TMEM45B: variants seen among roughly 807,000 people sequenced by gnomAD.
TMEM45B encodes transmembrane protein 45B.
A neutral mutation model predicts 27.3 loss-of-function variants in TMEM45B; 29 were observed. That is an observed-to-expected ratio of 1.06 (90% CI 0.79 to 1.45). The LOEUF (loss-of-function observed/expected upper bound fraction) is 1.45. Among genes scored for constraint, TMEM45B ranks in the 40% most tolerant of loss-of-function variants. The pLI is 0.00. For synonymous variants in TMEM45B, 143 were observed against 134.7 expected (o/e 1.06, Z -0.43); for missense variants, 348 against 343.9 (o/e 1.01, Z -0.09).
chr11:129,826,970 C>G (rs1169376567), intron 1 of TMEM45B: 1 of 152,222 alleles, frequency 6.6e-6, no homozygotes, highest in Non-Finnish European at 1.5e-5. Context: ...GTTGGGATTA[C>G]AGGCGTGAGC....
At position 129,836,409 on chromosome 11, in the gene TMEM45B, A is replaced by G. The variant is rs1164692286; in HGVS notation, c.-8-16066A>G. Among the ~76,000 whole-genome samples the G allele has an allele frequency of 5.3e-5, 8 of 152,164 alleles. No individual in the cohort carries two copies. The East Asian group carries it at 1.5e-3, about 29-fold the overall frequency. On this transcript the variant is annotated intron_variant, in intron 1 of 5. Transcript: ENST00000281441. ...GCTGATCTGGGTTAAGACTTTTGGC[A>G]CTGTAGGGATGGGGATAAGTGTATT... is the stretch of plus-strand genomic sequence containing the variant.
At chr11:129,828,514 C>T (rs887231485) in intron 1 of TMEM45B, among the ~76,000 whole-genome samples, 2 of 152,182 alleles carry the variant, frequency 1.3e-5, no homozygotes, top group Non-Finnish European at 2.9e-5. Context: ...AGTCACACCA[C>T]CTGTAAGCAA....
chr11:129,847,852 C>T (rs11221878), intron 1 of TMEM45B, among the ~76,000 whole-genome samples: 39,764 of 151,776 alleles, frequency 0.26, 5,610 homozygotes, highest in East Asian at 0.47. Flanking sequence ...TTTTCTATTC[C>T]ACAAAACCGC....
intron 1 of TMEM45B, among the ~76,000 whole-genome samples, chr11:129,833,370 C>A (rs889942751): frequency 1.3e-5 from 2 of 152,162 alleles, no homozygotes; most frequent in African/African-American, 4.8e-5. Flanking sequence ...GAAGTCCTCA[C>A]CTCCAGTGCC....
chr11:129,844,819 C>T (rs1269534650), intron 1 of TMEM45B, among the ~76,000 whole-genome samples: 1 of 152,110 alleles, frequency 6.6e-6, no homozygotes, highest in Admixed American at 6.5e-5. Context: ...CTTGATCATA[C>T]CAATCATTTC....
intron 1 of TMEM45B, among the ~76,000 whole-genome samples, chr11:129,820,774 A>G (rs954064096): frequency 1.3e-5 from 2 of 152,190 alleles, no homozygotes; most frequent in African/African-American, 2.4e-5. Flanking sequence ...ACATAAATCA[A>G]TGTATAGTCT....
intron 1 of TMEM45B, among the ~76,000 whole-genome samples, chr11:129,818,541 G>T (rs1365823566): frequency 6.6e-6 from 1 of 152,236 alleles, no homozygotes; most frequent in Non-Finnish European, 1.5e-5. Context: ...TCCAGGGTTA[G>T]CCAGTAATTA....
intron 1 of TMEM45B, among the ~76,000 whole-genome samples, chr11:129,843,429 T>C (rs560250162): frequency 1.3e-5 from 2 of 152,378 alleles, no homozygotes; most frequent in South Asian, 2.1e-4. Flanking sequence ...TTCTAATGTA[T>C]ACAATGCCAA....
rs73573559 is a variant in TMEM45B, at chr11:129,852,433, T to C, written c.-8-42T>C. The C allele has an allele frequency of 5.6e-5, 86 of 1,538,710 alleles. No homozygotes were observed. In the Middle Eastern group the frequency reaches 1.2e-3, roughly 22 times the overall value. On this transcript the variant is annotated intron_variant, in intron 1 of 5. Transcript: ENST00000281441. ...CCTGCCAAAATATACATTTGTTTGC[T>C]TGCTTCATTAGCCACCTAACAGCCT...
Position 129,848,024 on chromosome 11 carries a change from C to A in TMEM45B, c.-8-4451C>A, listed in dbSNP as rs528047768. Among the ~76,000 whole-genome samples, 32 of 151,612 alleles carry A rather than the reference C, an allele frequency of 2.1e-4. No individual in the cohort carries two copies. In the East Asian group the frequency reaches 6.2e-3, roughly 30 times the overall value. On this transcript the variant is annotated intron_variant, in intron 1 of 5. Transcript: ENST00000281441. ...GGCGGCCGGGCAGAGACGCTCCTCACTTTCCAGACTGGGCAGCCAGGCAGA... is the reference window on the plus strand; with the variant it reads ...GGCGGCCGGGCAGAGACGCTCCTCAATTTCCAGACTGGGCAGCCAGGCAGA...
intron 1 of TMEM45B, among the ~76,000 whole-genome samples, chr11:129,819,635 C>A (rs180922542): frequency 6.6e-6 from 1 of 152,000 alleles, no homozygotes; most frequent in South Asian, 2.1e-4. Context: ...CGGCTCACTG[C>A]AACCTCCGCT....
chr11:129,832,224 G>T (rs1208357594), intron 1 of TMEM45B, among the ~76,000 whole-genome samples: 2 of 151,868 alleles, frequency 1.3e-5, no homozygotes, highest in Admixed American at 6.6e-5. Flanking sequence ...CAGAAAATTA[G>T]CCGGGCATGG....
intron 1 of TMEM45B, among the ~76,000 whole-genome samples, chr11:129,841,579 C>CTTTTGTT (rs201956494): frequency 0.12 from 16,666 of 134,834 alleles, 1,021 homozygotes; most frequent in African/African-American, 0.14. Context: ...TTGAAGTTTT[C>CTTTTGTT]TTTTGTTTTT....
chr11:129,841,584 GT>G (rs1192996579), intron 1 of TMEM45B, among the ~76,000 whole-genome samples: 9 of 102,570 alleles, frequency 8.8e-5, no homozygotes, highest in African/African-American at 1.8e-4. Context: ...GTTTTCTTTT[GT>G]TTTTTTGTTT....
At chr11:129,857,131 C>T (rs749741878) in intron 4 of TMEM45B, among the ~76,000 whole-genome samples, 182 bp from the exon 5 acceptor site, 21 of 152,172 alleles carry the variant, frequency 1.4e-4, no homozygotes, top group Non-Finnish European at 2.5e-4. Context: ...GTATTACAGA[C>T]GTAAGCCACC....
intron 2 of TMEM45B, among the ~76,000 whole-genome samples, chr11:129,854,092 C>A (rs946658111): frequency 2.0e-5 from 3 of 152,178 alleles, no homozygotes; most frequent in African/African-American, 7.2e-5. Flanking sequence ...AGGAAGGACA[C>A]GCACTCAAAA....
intron 2 of TMEM45B, among the ~76,000 whole-genome samples, chr11:129,853,241 C>T (rs692325): frequency 0.72 from 109,377 of 152,116 alleles, 39,438 homozygotes; most frequent in Middle Eastern, 0.8. Context: ...CTGTTTCCTT[C>T]GCATCCACTC....
At chr11:129,848,929 C>A (rs189312388) in intron 1 of TMEM45B, among the ~76,000 whole-genome samples, 32 of 152,250 alleles carry the variant, frequency 2.1e-4, no homozygotes, top group Non-Finnish European at 3.5e-4. Context: ...AAGGGAGGAA[C>A]CTTCATGGCT....
intron 1 of TMEM45B, among the ~76,000 whole-genome samples, chr11:129,839,664 C>T (rs1314189308): frequency 6.6e-6 from 1 of 152,082 alleles, no homozygotes; most frequent in Non-Finnish European, 1.5e-5. Flanking sequence ...CTCAGCCTCC[C>T]GAGTAGCTTG....
Sources: gnomAD v4.1 joint callset for allele counts (sites outside exome capture counted in the v4.1 genomes callset) on GRCh38, gnomAD v4.1.1 for gene constraint, MANE v1.5 for transcripts, NCBI Gene and HGNC (gene_info 2026-07-23, HGNC 2026-07-21) for gene names.